Variants in ROBO1 observed in about 807,000 individuals in gnomAD.
ROBO1 encodes roundabout homolog 1.
A neutral mutation model predicts 195.9 loss-of-function variants in ROBO1; 149 were observed. That is an observed-to-expected ratio of 0.76 (90% CI 0.67 to 0.87). The LOEUF is 0.87. Ranked by LOEUF, ROBO1 falls within the 40% of genes least tolerant of loss-of-function variation. The pLI is 0.00. For synonymous variants in ROBO1, 816 were observed against 733.2 expected, an observed-to-expected ratio of 1.11 and a Z score of -1.82; for missense variants, 1,933 against 2,068.3, an observed-to-expected ratio of 0.93 and a Z score of 1.27.
chr3:78,920,587 G>C (rs9831014), intron 4 of ROBO1, among the ~76,000 whole-genome samples: 50,651 of 148,000 alleles, frequency 0.34, 10,003 homozygotes, highest in South Asian at 0.48. Flanking sequence ...TTACAGGCAT[G>C]AGCCACCGTA....
rs781045043 is a variant in ROBO1, at chr3:79,199,426, T to C, written c.89-73887A>G. ...CTGGGATGTTTGGGAGAACTGACTATCACTCCTTAATACTGCTAAAATGGC... is the reference window on the plus strand; with the variant it reads ...CTGGGATGTTTGGGAGAACTGACTACCACTCCTTAATACTGCTAAAATGGC... On this transcript the variant is annotated intron_variant, in intron 2 of 30. Coordinates refer to ENST00000464233, the MANE Select transcript of ROBO1 (RefSeq NM_002941.4). Among the ~76,000 whole-genome samples, 38 of 151,906 alleles carry C rather than the reference T, an allele frequency of 2.5e-4. 1 individual carries two copies. Among genetic ancestry groups the C allele is most frequent in the Middle Eastern group, 6.8e-3 (2 of 294 alleles).
intron 3 of ROBO1, among the ~76,000 whole-genome samples, chr3:79,014,714 A>C (rs2077879006): frequency 6.6e-6 from 1 of 152,152 alleles, no homozygotes; most frequent in Non-Finnish European, 1.5e-5. Flanking sequence ...CCTAATTTTA[A>C]ATTGAATGAT....
chr3:79,632,878 C>T (rs1945385314), intron 1 of ROBO1, among the ~76,000 whole-genome samples: 1 of 151,968 alleles, frequency 6.6e-6, no homozygotes, highest in African/African-American at 2.4e-5. Context: ...AAAAAGATAT[C>T]TGATTAAGGG....
intron 4 of ROBO1, among the ~76,000 whole-genome samples, chr3:78,807,389 T>C (rs11914771): frequency 0.012 from 1,850 of 152,250 alleles, 35 homozygotes; most frequent in African/African-American, 0.041. Context: ...TAAAAAGTTA[T>C]AGATGATGAG....
intron 2 of ROBO1, among the ~76,000 whole-genome samples, chr3:79,259,772 C>T (rs2082906030): frequency 6.6e-6 from 1 of 152,134 alleles, no homozygotes; most frequent in African/African-American, 2.4e-5. Context: ...ATCGACATTT[C>T]TCAAATTACC....
At chr3:79,095,942 T>C (rs2079558573) in intron 3 of ROBO1, among the ~76,000 whole-genome samples, 1 of 152,096 alleles carries the variant, frequency 6.6e-6, no homozygotes, top group African/African-American at 2.4e-5. Flanking sequence ...GAATGTACCA[T>C]GTTTTATTCA....
intron 1 of ROBO1, among the ~76,000 whole-genome samples, chr3:79,739,539 T>G (rs1223315778): frequency 6.6e-6 from 1 of 152,120 alleles, no homozygotes; most frequent in East Asian, 1.9e-4. Context: ...GTTCATATAT[T>G]ACATTACCAC....
intron 2 of ROBO1, among the ~76,000 whole-genome samples, chr3:79,389,273 G>A (rs544854640): frequency 3.3e-5 from 5 of 152,108 alleles, no homozygotes; most frequent in East Asian, 3.9e-4. Flanking sequence ...TATGTAATAT[G>A]AGCAAAGAAT....
chr3:78,892,076 A>G (rs1236467398), intron 4 of ROBO1, among the ~76,000 whole-genome samples: 9 of 152,206 alleles, frequency 5.9e-5, no homozygotes, highest in Admixed American at 5.9e-4. Flanking sequence ...TTTTACCTCA[A>G]TAAAAAATGC....
intron 1 of ROBO1, among the ~76,000 whole-genome samples, chr3:79,677,035 T>A (rs768903951): frequency 3.3e-5 from 5 of 152,052 alleles, no homozygotes; most frequent in Admixed American, 3.3e-4. Flanking sequence ...GATGGAATAC[T>A]GTAATAGACA....
chr3:78,623,252 C>G (rs1704562112), intron 26 of ROBO1, among the ~76,000 whole-genome samples: 1 of 152,076 alleles, frequency 6.6e-6, no homozygotes, highest in Non-Finnish European at 1.5e-5. Context: ...GTTGGGACAT[C>G]AGGGAAAGAT....
chr3:79,269,462 T>C (rs1398490023), intron 2 of ROBO1, among the ~76,000 whole-genome samples: 1 of 151,666 alleles, frequency 6.6e-6, no homozygotes, highest in Non-Finnish European at 1.5e-5. Context: ...TTTTACTAGT[T>C]GGGGACAAAG....
At chr3:79,693,383 T>TTGTGTG (rs55667736) in intron 1 of ROBO1, among the ~76,000 whole-genome samples, 74 of 145,238 alleles carry the variant, frequency 5.1e-4, no homozygotes, top group African/African-American at 1.7e-3. Flanking sequence ...ATATAGAGAT[T>TTGTGTG]TGTGTGTGTG....
chr3:78,961,882 A>G (rs913292155), intron 3 of ROBO1, among the ~76,000 whole-genome samples: 5 of 152,018 alleles, frequency 3.3e-5, no homozygotes, highest in Admixed American at 6.6e-5. Flanking sequence ...GAGAGAAGGC[A>G]GTAGATTCAT....
intron 1 of ROBO1, among the ~76,000 whole-genome samples, chr3:79,747,970 C>A (rs1343310476): frequency 6.6e-6 from 1 of 151,694 alleles, no homozygotes; most frequent in East Asian, 1.9e-4. Context: ...TATGGTTGAC[C>A]AAACTATCCT....
At chr3:78,782,988 C>T (rs1440628337) in intron 4 of ROBO1, among the ~76,000 whole-genome samples, 1 of 152,118 alleles carries the variant, frequency 6.6e-6, no homozygotes, top group Admixed American at 6.5e-5. Flanking sequence ...ATCATATAGG[C>T]ACTGTGAAAG....
At chr3:79,116,231 C>A (rs1477166173) in intron 3 of ROBO1, among the ~76,000 whole-genome samples, 1 of 152,042 alleles carries the variant, frequency 6.6e-6, no homozygotes, top group Non-Finnish European at 1.5e-5. Flanking sequence ...ACCCACAAGC[C>A]TCTTCCTGTA....
intron 1 of ROBO1, among the ~76,000 whole-genome samples, chr3:79,754,714 T>C (rs995785589): frequency 6.6e-6 from 1 of 152,144 alleles, no homozygotes; most frequent in Admixed American, 6.5e-5. Context: ...CCAACCAAAA[T>C]CTTTCTTTGC....
Position 78,631,082 on chromosome 3 carries a change from CA to C in ROBO1, c.3626+78del, listed in dbSNP as rs1490638286. ...CCTTAGGAATCAGTCTTCTCTTGAC[CA>C]CCTAGTATAATAATTGCTGAAAATG... On this transcript the variant is annotated intron_variant, in intron 25 of 30. Transcript: ENST00000464233. 2.1e-5 allele frequency: 30 copies of C among 1,419,580 alleles called. No individual in the cohort carries two copies. In the East Asian group the frequency reaches 7.2e-4, roughly 34 times the overall value. 87.9% of individuals were successfully genotyped at this position (1,419,580 alleles called of 1,614,324 possible).
Sources: gnomAD v4.1 joint callset for allele counts (sites outside exome capture counted in the v4.1 genomes callset) on GRCh38, gnomAD v4.1.1 for gene constraint, MANE v1.5 for transcripts, NCBI Gene and HGNC (gene_info 2026-07-23, HGNC 2026-07-21) for gene names.